Variants in AREL1 observed in about 807,000 individuals in gnomAD.
AREL1 encodes apoptosis resistant E3 ubiquitin protein ligase 1.
Under a neutral mutation model 99.0 loss-of-function variants are expected in AREL1, and 62 were observed. The observed-to-expected ratio is 0.63, with a 90% CI of 0.51 to 0.77. The LOEUF (loss-of-function observed/expected upper bound fraction) is 0.77. Among genes scored for constraint, AREL1 ranks in the 30% least tolerant of loss-of-function variants. AREL1 has a pLI of 0.00. For synonymous variants in AREL1, 380 were observed against 376.5 expected (o/e 1.01, Z -0.11); for missense variants, 879 against 1,027.6 (o/e 0.86, Z 1.98).
intron 5 of AREL1, among the ~76,000 whole-genome samples, chr14:74,682,977 C>G (rs2089664589): frequency 6.6e-6 from 1 of 152,296 alleles, no homozygotes; most frequent in East Asian, 1.9e-4. Context: ...TATTTCTTTA[C>G]AGCAAGACAA....
chr14:74,681,750 C>G (rs1239224908), intron 5 of AREL1, among the ~76,000 whole-genome samples: 2 of 141,846 alleles, frequency 1.4e-5, no homozygotes, highest in African/African-American at 5.3e-5. Flanking sequence ...AGCCTGGCGA[C>G]AGGGCGAGAC....
chr14:74,668,472 T>C (rs1397374463), intron 15 of AREL1, among the ~76,000 whole-genome samples: 1 of 152,228 alleles, frequency 6.6e-6, no homozygotes, highest in Non-Finnish European at 1.5e-5. Flanking sequence ...TCCTGGATTT[T>C]TTTTTTAATG....
intron 2 of AREL1, among the ~76,000 whole-genome samples, chr14:74,691,472 GTATGAGAAAACACTATCCAATCT>G: frequency 6.6e-6 from 1 of 152,024 alleles, no homozygotes; most frequent in Admixed American, 6.6e-5. Flanking sequence ...GTAAAACAAA[GTATGAGAAAACACTATCCAATCT>G]TACTGTGAGG....
intron 9 of AREL1, 140 bp downstream of exon 9, chr14:74,673,894 T>C: frequency 3.2e-6 from 2 of 618,218 alleles, no homozygotes; most frequent in Non-Finnish European, 5.5e-6. Context: ...GAGATAATGA[T>C]GCTTTATTTG....
At position 74,676,194 on chromosome 14, in the gene AREL1, G is replaced by A. The variant is rs1026327750; in HGVS notation, c.779C>T (p.Ser260Leu). Reference protein sequence around the residue: ...HSRGCFHACISYQNQPINNGE... With the variant: ...HSRGCFHACILYQNQPINNGE... ...ATTATTGATTGGCTGATTTTGGTATGAAATGCAAGCATGGAAGCAGCCTCG... is the reference window on the plus strand; with the variant it reads ...ATTATTGATTGGCTGATTTTGGTATAAAATGCAAGCATGGAAGCAGCCTCG... Residue 260 changes from serine to leucine, a missense_variant, in exon 7 of 20, where the codon TCA (serine) becomes TTA (leucine). Physicochemically the swap from Ser to Leu is moderately radical, Grantham distance 145. Transcript: ENST00000356357. 1 of 1,614,112 alleles carries A rather than the reference G, an allele frequency of 6.2e-7. No individual in the cohort carries two copies. The highest frequency in any genetic ancestry group is 1.7e-5 in the Admixed American group (1 of 60,028).
Position 74,689,587 on chromosome 14 carries a change from C to CTTTTTTTTTTTTTTTTTTTTTTTT in AREL1, c.-46+2453_-46+2454insAAAAAAAAAAAAAAAAAAAAAAAA, listed in dbSNP as rs1185444870. 2.6e-5 allele frequency among the ~76,000 whole-genome samples: 3 copies of CTTTTTTTTTTTTTTTTTTTTTTTT among 113,714 alleles called. 1 individual carries two copies. Among genetic ancestry groups the CTTTTTTTTTTTTTTTTTTTTTTTT allele is most frequent in the Non-Finnish European group, 3.9e-5 (2 of 50,804 alleles). The allele number at this position is 113,714 out of a possible 152,430, so 74.6% of individuals were successfully genotyped here. A position where few individuals can be genotyped will look rare whatever the true frequency, so the allele number is the denominator to read the frequency against. ...CATTGTTTTTATTTATCTTATAGCA[C>CTTTTTTTTTTTTTTTTTTTTTTTT]TTTTCTTTTTTTTTTTTTTTTTTTT... On this transcript the variant is annotated intron_variant, in intron 2 of 19. Transcript: ENST00000356357.
chr14:74,700,206 T>C (rs982345197), intron 1 of AREL1, among the ~76,000 whole-genome samples: 4 of 152,240 alleles, frequency 2.6e-5, no homozygotes, highest in African/African-American at 9.6e-5. Context: ...TTGTATAAAG[T>C]GCTACATCTA....
chr14:74,685,167 C>A (rs1433092345), intron 3 of AREL1, among the ~76,000 whole-genome samples: 1 of 152,240 alleles, frequency 6.6e-6, no homozygotes, highest in Non-Finnish European at 1.5e-5. Context: ...TTGGTTCCCA[C>A]CATTTCCTTC....
chr14:74,679,936 T>G (rs2089591349), intron 5 of AREL1, among the ~76,000 whole-genome samples: 1 of 151,776 alleles, frequency 6.6e-6, no homozygotes, highest in Admixed American at 6.6e-5. Context: ...CAGCACTTTT[T>G]GGGGCCAAGG....
intron 18 of AREL1, among the ~76,000 whole-genome samples, chr14:74,664,445 TTTC>T (rs2089162908): frequency 2.2e-5 from 3 of 133,656 alleles, no homozygotes; most frequent in Non-Finnish European, 4.7e-5. Context: ...CTTCTTTTCC[TTTC>T]TTTTTTTTTT....
At chr14:74,693,333 C>T (rs746901497) in intron 1 of AREL1, among the ~76,000 whole-genome samples, 5 of 152,164 alleles carry the variant, frequency 3.3e-5, no homozygotes, top group African/African-American at 4.8e-5. Flanking sequence ...TCTGCTACTA[C>T]GAGTCAGGGG....
intron 11 of AREL1, chr14:74,671,903 G>A (rs752131409): frequency 2.5e-6 from 1 of 405,096 alleles, no homozygotes; most frequent in Non-Finnish European, 5.1e-6. Flanking sequence ...ACAAGGCTAG[G>A]TTCAGACAGC....
At chr14:74,693,516 G>A (rs2089925206) in intron 1 of AREL1, among the ~76,000 whole-genome samples, 1 of 152,154 alleles carries the variant, frequency 6.6e-6, no homozygotes, top group African/African-American at 2.4e-5. Flanking sequence ...AGTAAATGAA[G>A]AGACAGTCTT....
intron 1 of AREL1, among the ~76,000 whole-genome samples, chr14:74,696,592 C>G (rs2089983144): frequency 6.6e-6 from 1 of 152,126 alleles, no homozygotes; most frequent in South Asian, 2.1e-4. Context: ...CACCTGTATT[C>G]CCAACACTTT....
chr14:74,661,458 C>T lies in AREL1; in HGVS notation c.*2262G>A, dbSNP rs535277229. On this transcript the variant is annotated 3_prime_UTR_variant, in exon 20 of 20. Coordinates refer to ENST00000356357, the MANE Select transcript of AREL1 (RefSeq NM_001039479.2). The stretch of plus-strand genomic sequence containing the variant: ...AAAAGGCCAGAAGGGTAGCTGGCCC[C>T]CCAAGTACCTGGGTCACAAGGACAT... 256 of 341,952 alleles carry T rather than the reference C, an allele frequency of 7.5e-4. 6 individuals are homozygous for T. The highest frequency in any genetic ancestry group is 5.4e-3 in the South Asian group (249 of 46,456). 21.2% of individuals were successfully genotyped at this position (341,952 alleles called of 1,614,324 possible). A position where few individuals can be genotyped will look rare whatever the true frequency, so the allele number is the denominator to read the frequency against.
At chr14:74,680,632 A>C (rs1236625673) in intron 5 of AREL1, among the ~76,000 whole-genome samples, 2 of 152,218 alleles carry the variant, frequency 1.3e-5, no homozygotes. Context: ...CCCCAAATGG[A>C]AACAACCCAG....
At chr14:74,670,556 G>A (rs1268609523) in intron 13 of AREL1, 1 of 536,506 alleles carries the variant, frequency 1.9e-6, no homozygotes, top group Non-Finnish European at 3.3e-6. Context: ...CAAATATTCA[G>A]CTGCCTGCAT....
At chr14:74,708,966 G>A (rs1403258057) in intron 1 of AREL1, among the ~76,000 whole-genome samples, 1 of 152,116 alleles carries the variant, frequency 6.6e-6, no homozygotes, top group Non-Finnish European at 1.5e-5. Context: ...ATGCGTGTGT[G>A]TACACACACA....
intron 1 of AREL1, 66 bp downstream of exon 1, chr14:74,712,867 C>T (rs962628226): frequency 9.9e-6 from 5 of 504,244 alleles, no homozygotes; most frequent in South Asian, 1.8e-5. Context: ...TTTCCTCCCT[C>T]TCTCTCTGGA....
Sources: allele counts gnomAD v4.1 joint callset (sites outside exome capture counted in the v4.1 genomes callset), GRCh38; gene constraint gnomAD v4.1.1; transcripts MANE v1.5; gene names NCBI Gene and HGNC (gene_info 2026-07-23, HGNC 2026-07-21).